ARMC1: variants seen among roughly 807,000 people sequenced by gnomAD.
The protein encoded by ARMC1 is armadillo repeat containing 1.
Under a neutral mutation model 31.4 loss-of-function variants are expected in ARMC1, and 16 were observed. The observed-to-expected ratio is 0.51, with a 90% confidence interval of 0.34 to 0.77. ARMC1 has a LOEUF of 0.77. Among genes scored for constraint, ARMC1 ranks in the 30% least tolerant of loss-of-function variants. The pLI is 0.01. For missense variants in ARMC1, 259 were observed against 347.5 expected (o/e 0.75, Z 2.02); for synonymous variants, 114 against 118.9 (o/e 0.96, Z 0.27).
chr8:65,613,555 G>T, intron 3 of ARMC1, 122 bp from the exon 4 acceptor site: 1 of 577,402 alleles, frequency 1.7e-6, no homozygotes, highest in Non-Finnish European at 2.9e-6. Flanking sequence ...AAAAGCAATA[G>T]CAGTGAATCC....
intron 2 of ARMC1, among the ~76,000 whole-genome samples, chr8:65,624,904 T>C (rs981889034): frequency 1.3e-5 from 2 of 152,184 alleles, no homozygotes; most frequent in African/African-American, 4.8e-5. Flanking sequence ...GCAGATCACC[T>C]GAGGTCATGA....
At chr8:65,614,781 T>C (rs1348340850) in intron 3 of ARMC1, among the ~76,000 whole-genome samples, 1 of 152,214 alleles carries the variant, frequency 6.6e-6, no homozygotes, top group Non-Finnish European at 1.5e-5. Flanking sequence ...GGTCTTTCCT[T>C]AGCTGGAAGA....
At chr8:65,628,465 T>A (rs1312981250) in intron 1 of ARMC1, among the ~76,000 whole-genome samples, 1 of 141,658 alleles carries the variant, frequency 7.1e-6, no homozygotes, top group Non-Finnish European at 1.5e-5. Flanking sequence ...CAGGCTGGTC[T>A]CAAACTCCTA....
At chr8:65,610,449 A>G (rs1242204336) in intron 4 of ARMC1, among the ~76,000 whole-genome samples, 2 of 72 alleles carry the variant, frequency 0.028, no homozygotes, top group African/African-American at 0.045. Flanking sequence ...TAATCCCAAC[A>G]CTTTGGAGAC....
At chr8:65,616,569 G>T (rs1364844489) in intron 3 of ARMC1, among the ~76,000 whole-genome samples, 1 of 152,192 alleles carries the variant, frequency 6.6e-6, no homozygotes, top group Non-Finnish European at 1.5e-5. Flanking sequence ...TCTGGGAAGT[G>T]AGGAGCGTCT....
At chr8:65,622,477 C>T in intron 2 of ARMC1, 123 bp from the exon 3 acceptor site, 1 of 689,414 alleles carries the variant, frequency 1.5e-6, no homozygotes, top group East Asian at 2.8e-5. Context: ...GAATAAAATC[C>T]TTTAAATGAG....
At chr8:65,630,734 G>A (rs535896477) in intron 1 of ARMC1, among the ~76,000 whole-genome samples, 15 of 152,022 alleles carry the variant, frequency 9.9e-5, no homozygotes, top group Admixed American at 6.6e-4. Context: ...CAGGAGAATC[G>A]CTTGAACCCG....
chr8:65,606,807 C>A (rs76161987), intron 4 of ARMC1, among the ~76,000 whole-genome samples: 3 of 152,166 alleles, frequency 2.0e-5, no homozygotes, highest in Non-Finnish European at 4.4e-5. Context: ...TTACTAACTC[C>A]AATATGACTT....
At chr8:65,630,566 C>T (rs1808620572) in intron 1 of ARMC1, among the ~76,000 whole-genome samples, 1 of 152,222 alleles carries the variant, frequency 6.6e-6, no homozygotes, top group African/African-American at 2.4e-5. Flanking sequence ...CGCCTGTAAT[C>T]CCAACACTTT....
intron 4 of ARMC1, among the ~76,000 whole-genome samples, 175 bp from the exon 5 acceptor site, chr8:65,605,713 G>T (rs1021528732): frequency 3.9e-5 from 6 of 152,134 alleles, no homozygotes; most frequent in African/African-American, 7.2e-5. Flanking sequence ...AAATTTTACA[G>T]GATCAACAGA....
At chr8:65,627,121 T>G in intron 2 of ARMC1, 95 bp downstream of exon 2, 2 of 1,193,088 alleles carry the variant, frequency 1.7e-6, no homozygotes, top group Non-Finnish European at 2.4e-6. Context: ...ATTGCTCTCT[T>G]TCCGTTTTTT....
chr8:65,616,873 G>A (rs1205397179), intron 3 of ARMC1, among the ~76,000 whole-genome samples: 2 of 150,974 alleles, frequency 1.3e-5, no homozygotes, highest in East Asian at 3.9e-4. Flanking sequence ...CCCTGTCTGA[G>A]AAGTGAGGAG....
At chr8:65,616,079 A>G (rs1347103724) in intron 3 of ARMC1, among the ~76,000 whole-genome samples, 2 of 152,250 alleles carry the variant, frequency 1.3e-5, no homozygotes, top group Admixed American at 6.5e-5. Flanking sequence ...GTGACAAAAA[A>G]TATTAAAATA....
At chr8:65,622,418 T>A in intron 2 of ARMC1, 64 bp from the exon 3 acceptor site, 1 of 1,272,226 alleles carries the variant, frequency 7.9e-7, no homozygotes, top group Non-Finnish European at 1.1e-6. Context: ...AAACTACTAC[T>A]AATTTACTGC....
rs1473827732 is a variant in ARMC1, at chr8:65,605,522, C to T, written c.482G>A (p.Cys161Tyr). 6.2e-7 allele frequency: 1 copy of T among 1,611,944 alleles called. No individual in the cohort carries two copies. The highest frequency in any genetic ancestry group is 1.1e-5 in the South Asian group (1 of 91,020). The stretch of plus-strand genomic sequence containing the variant: ...TTTAATTTTTAACAAAGCCTCTTCA[C>T]ATAGATTTCTCCGAGACTGAAAAAG... The part of the protein sequence containing the change: ...GLDDTSRRNL[C>Y]EEALLKIKGV... Residue 161 changes from cysteine (C) to tyrosine (Y), a missense_variant, in exon 5 of 7, where the codon TGT becomes TAT. This residue lies in a region of ARMC1 where 23 missense variants were observed against 60.8 expected (regional missense o/e 0.38). Transcript: ENST00000276569.
At chr8:65,612,831 C>A (rs796620154) in intron 4 of ARMC1, among the ~76,000 whole-genome samples, 2 of 152,158 alleles carry the variant, frequency 1.3e-5, no homozygotes, top group African/African-American at 4.8e-5. Context: ...CACTGTGCTC[C>A]AGCCTGGGTG....
At chr8:65,619,251 C>T (rs1249943472) in intron 3 of ARMC1, among the ~76,000 whole-genome samples, 1 of 151,950 alleles carries the variant, frequency 6.6e-6, no homozygotes, top group Non-Finnish European at 1.5e-5. Flanking sequence ...AATTTTAGAG[C>T]AGGCCAGGGG....
At chr8:65,616,864 C>G (rs1429909905) in intron 3 of ARMC1, among the ~76,000 whole-genome samples, 1 of 151,318 alleles carries the variant, frequency 6.6e-6, no homozygotes, top group Admixed American at 6.6e-5. Context: ...CGGCAGCCGC[C>G]CTGTCTGAGA....
chr8:65,621,270 C>T (rs1386451440), intron 3 of ARMC1, among the ~76,000 whole-genome samples: 1 of 152,106 alleles, frequency 6.6e-6, no homozygotes, highest in African/African-American at 2.4e-5. Context: ...GTTCTAGTGG[C>T]TTCCACATTA....
Sources: allele counts gnomAD v4.1 joint callset (sites outside exome capture counted in the v4.1 genomes callset), GRCh38; gene constraint gnomAD v4.1.1; regional missense constraint gnomAD v4.1.1; transcripts MANE v1.5; gene names NCBI Gene and HGNC (gene_info 2026-07-23, HGNC 2026-07-21).